Variants in ZHX2 observed in about 807,000 individuals in gnomAD.
ZHX2 encodes the protein zinc fingers and homeoboxes protein 2.
A neutral mutation model predicts 21.9 loss-of-function variants in ZHX2; 6 were observed. The ratio of observed to expected loss-of-function variants is 0.27; its 90% CI spans 0.15 to 0.54. The LOEUF is 0.54. ZHX2 is among the 20% of genes least tolerant of loss of function. The pLI is 0.95. For missense variants in ZHX2, 908 were observed against 1,090.7 expected, an observed-to-expected ratio of 0.83 and a Z score of 2.36; for synonymous variants, 434 against 437.1, an observed-to-expected ratio of 0.99 and a Z score of 0.09.
At chr8:122,808,127 C>T (rs539690553) in intron 1 of ZHX2, among the ~76,000 whole-genome samples, 64 of 152,272 alleles carry the variant, frequency 4.2e-4, no homozygotes, top group African/African-American at 1.5e-3. Context: ...ATAATTACGC[C>T]TTTAAATACT....
chr8:122,879,178 G>T (rs1226233725), intron 2 of ZHX2, among the ~76,000 whole-genome samples: 1 of 152,144 alleles, frequency 6.6e-6, no homozygotes, highest in Non-Finnish European at 1.5e-5. Flanking sequence ...TCAAATGAAA[G>T]AAAGGCCTAA....
chr8:122,894,119 T>G (rs1820041534), intron 2 of ZHX2, among the ~76,000 whole-genome samples: 1 of 152,242 alleles, frequency 6.6e-6, no homozygotes, highest in African/African-American at 2.4e-5. Context: ...TGGCCTAGGC[T>G]GCAGGTTTTT....
chr8:122,830,135 T>C (rs1401700392), intron 1 of ZHX2, among the ~76,000 whole-genome samples: 3 of 152,160 alleles, frequency 2.0e-5, no homozygotes, highest in Admixed American at 2.0e-4. Context: ...GCTGTTTTAA[T>C]GAGAGCCTGG....
chr8:122,847,794 C>G (rs987617887), intron 1 of ZHX2, among the ~76,000 whole-genome samples: 2 of 152,222 alleles, frequency 1.3e-5, no homozygotes, highest in African/African-American at 2.4e-5. Context: ...ACTCTCCTCT[C>G]TGGTGTTGAC....
At chr8:122,955,838 G>GTTTTTTTTTTTTTTTT (rs1431422805) in intron 3 of ZHX2, among the ~76,000 whole-genome samples, 3 of 125,628 alleles carry the variant, frequency 2.4e-5, no homozygotes, top group South Asian at 2.5e-4. Context: ...ATGAGGGAGT[G>GTTTTTTTTTTTTTTTT]ATTTTTTTTT....
intron 1 of ZHX2, among the ~76,000 whole-genome samples, chr8:122,836,796 C>T (rs1411618406): frequency 1.3e-5 from 2 of 152,218 alleles, no homozygotes; most frequent in East Asian, 3.9e-4. Flanking sequence ...AGGCTTGCGC[C>T]TTGGTACTGG....
At chr8:122,815,331 G>A (rs1818008905) in intron 1 of ZHX2, 1 of 152,130 alleles carries the variant, frequency 6.6e-6, no homozygotes, top group Non-Finnish European at 1.5e-5. Context: ...GGAAAAAAGT[G>A]AATATAAGAA....
chr8:122,858,354 C>G (rs1333018236), intron 1 of ZHX2, among the ~76,000 whole-genome samples: 4 of 152,210 alleles, frequency 2.6e-5, no homozygotes, highest in Non-Finnish European at 2.9e-5. Context: ...GAGTGACCCT[C>G]GGGGAGGGCA....
chr8:122,966,788 A>AT (rs1365108416), intron 3 of ZHX2, among the ~76,000 whole-genome samples: 2 of 152,156 alleles, frequency 1.3e-5, no homozygotes, highest in Non-Finnish European at 2.9e-5. Flanking sequence ...CAGAAGCACC[A>AT]TTATTCTCAT....
At chr8:122,877,350 A>G (rs1302545263) in intron 2 of ZHX2, among the ~76,000 whole-genome samples, 1 of 152,236 alleles carries the variant, frequency 6.6e-6, no homozygotes, top group Non-Finnish European at 1.5e-5. Context: ...CCATGGTACC[A>G]TGCATACAAT....
intron 2 of ZHX2, among the ~76,000 whole-genome samples, chr8:122,873,797 C>T (rs1563763152): frequency 6.6e-6 from 1 of 152,152 alleles, no homozygotes; most frequent in East Asian, 1.9e-4. Context: ...CAGGGAGAAT[C>T]CATCTTCTTG....
chr8:122,931,739 A>G (rs1326379177), intron 2 of ZHX2, among the ~76,000 whole-genome samples: 10 of 152,216 alleles, frequency 6.6e-5, no homozygotes, highest in Admixed American at 6.5e-4. Context: ...TTCTGATGTA[A>G]CTGGTCTAGG....
chr8:122,813,412 A>G (rs1401125545), intron 1 of ZHX2, among the ~76,000 whole-genome samples: 1 of 152,108 alleles, frequency 6.6e-6, no homozygotes, highest in Non-Finnish European at 1.5e-5. Context: ...CACCTCCCTT[A>G]TAGCTTCCCA....
At chr8:122,900,413 C>A (rs1032803608) in intron 2 of ZHX2, among the ~76,000 whole-genome samples, 1 of 152,106 alleles carries the variant, frequency 6.6e-6, no homozygotes, top group East Asian at 1.9e-4. Flanking sequence ...GAGACTCGCC[C>A]ACGAGGGAGG....
At chr8:122,879,259 T>G (rs540468111) in intron 2 of ZHX2, among the ~76,000 whole-genome samples, 1 of 152,022 alleles carries the variant, frequency 6.6e-6, no homozygotes, top group Admixed American at 6.5e-5. Flanking sequence ...CAGGCTGGAG[T>G]GCAGTGGCAC....
intron 3 of ZHX2, among the ~76,000 whole-genome samples, chr8:122,957,885 G>GA (rs1352350993): frequency 6.6e-6 from 1 of 151,926 alleles, no homozygotes; most frequent in African/African-American, 2.4e-5. Context: ...AATTTAAAGG[G>GA]AAAAAAAATC....
intron 1 of ZHX2, among the ~76,000 whole-genome samples, chr8:122,807,515 AT>A (rs1817847017): frequency 6.6e-6 from 1 of 152,224 alleles, no homozygotes; most frequent in African/African-American, 2.4e-5. Context: ...TTTACTTTAG[AT>A]GGAGAATTTA....
intron 1 of ZHX2, among the ~76,000 whole-genome samples, chr8:122,804,665 T>A (rs1056754598): frequency 2.0e-5 from 3 of 152,180 alleles, no homozygotes; most frequent in African/African-American, 4.8e-5. Context: ...AGGAGCCCAG[T>A]GTCTCCCAGT....
intron 2 of ZHX2, among the ~76,000 whole-genome samples, chr8:122,912,326 G>C (rs1458001282): frequency 6.6e-6 from 1 of 152,200 alleles, no homozygotes; most frequent in Non-Finnish European, 1.5e-5. Flanking sequence ...CCAGCCACAG[G>C]CTGGCCTGGG....
Sources: allele counts gnomAD v4.1 joint callset (sites outside exome capture counted in the v4.1 genomes callset), GRCh38; gene constraint gnomAD v4.1.1; transcripts MANE v1.5; gene names NCBI Gene and HGNC (gene_info 2026-07-23, HGNC 2026-07-21).